Variants in TBC1D16 observed in about 807,000 individuals in gnomAD.
TBC1D16 encodes the protein CTD-2529O21.1.
TBC1D16 carries 58 observed loss-of-function variants against 74.7 expected under a neutral mutation model. The observed-to-expected ratio is 0.78, with a 90% CI of 0.63 to 0.97. TBC1D16 has a LOEUF of 0.97. Among genes scored for constraint, TBC1D16 ranks in the 50% least tolerant of loss-of-function variants. The pLI is 0.00. For missense variants in TBC1D16, 1,014 were observed against 1,079.5 expected (o/e 0.94, Z 0.85); for synonymous variants, 493 against 474.7 (o/e 1.04, Z -0.50).
chr17:79,944,955 C>G lies in TBC1D16; in HGVS notation c.1861G>C (p.Glu621Gln). 1 of 1,555,996 alleles carries G rather than the reference C, an allele frequency of 6.4e-7. No individual in the cohort carries two copies. The highest frequency in any genetic ancestry group is 1.2e-5 in the South Asian group (1 of 84,368). The change falls in exon 10 of 12, where the codon GAG (glutamate) becomes CAG (glutamine). Residue 621 changes from glutamate (E) to glutamine (Q), a missense_variant. Coordinates refer to ENST00000310924, the MANE Select transcript of TBC1D16 (RefSeq NM_019020.4). This position sits in a 1 kb window ranked among gnomAD's most constrained non-coding sequence, Gnocchi z 7.7. ...TCCCAGATCCGCAGCGCTTCGGCCT[C>G]GGGGAACTCCCGCTTGAAGCACAGA... Reference protein sequence around the residue: ...LLLCFKREFPEAEALRIWEAC... With the variant: ...LLLCFKREFPQAEALRIWEAC...
rs2035782671 is a variant in TBC1D16, at chr17:80,009,063, A to C, written c.779+1097T>G. The stretch of plus-strand genomic sequence containing the variant: ...TTCCCCTTCGATAGCAGGGGATAAT[A>C]GGAGGGCCCACCTCACGGGGCGTGG... On this transcript the variant is annotated intron_variant, in intron 3 of 11. Coordinates refer to ENST00000310924, the MANE Select transcript of TBC1D16 (RefSeq NM_019020.4). This position sits in a 1 kb window ranked among gnomAD's most constrained non-coding sequence, Gnocchi z 5.4. 1.3e-5 allele frequency among the ~76,000 whole-genome samples: 2 copies of C among 152,178 alleles called. No individual in the cohort carries two copies. The highest frequency in any genetic ancestry group is 4.8e-5 in the African/African-American group (2 of 41,438).
At chr17:80,024,068 G>C (rs1340181930) in intron 1 of TBC1D16, 1 of 120,612 alleles carries the variant, frequency 8.3e-6, no homozygotes, top group South Asian at 2.7e-4. Context: ...CTCGCCGGCC[G>C]GCTAAGCAGA....
rs1299153119 is a variant in TBC1D16, at chr17:79,961,177, G to A, written c.780-8359C>T. ...GGAGCAAACTGCTGATATGCATGAC[G>A]ATATGGAAGCATCTCAGTTGTATTA... On this transcript the variant is annotated intron_variant, in intron 3 of 11. Transcript: ENST00000310924. This position sits in a 1 kb window ranked among gnomAD's most constrained non-coding sequence, Gnocchi z 4.8. Among the ~76,000 whole-genome samples, 3 of 152,190 alleles carry A rather than the reference G, an allele frequency of 2.0e-5. No individual in the cohort carries two copies. The highest frequency in any genetic ancestry group is 4.4e-5 in the Non-Finnish European group (3 of 68,046).
chr17:80,003,754 A>G (rs914036344), intron 3 of TBC1D16, among the ~76,000 whole-genome samples: 5 of 152,108 alleles, frequency 3.3e-5, no homozygotes, highest in African/African-American at 1.2e-4. Flanking sequence ...CGCTATCCAC[A>G]TTTATATTCA....
chr17:79,957,097 G>C (rs2033372909), intron 3 of TBC1D16, among the ~76,000 whole-genome samples: 1 of 152,180 alleles, frequency 6.6e-6, no homozygotes, highest in African/African-American at 2.4e-5. Context: ...TGGAAACCTT[G>C]CCCTGCCCTG....
intron 3 of TBC1D16, among the ~76,000 whole-genome samples, chr17:80,005,818 G>A (rs898920987): frequency 2.8e-4 from 43 of 152,220 alleles, no homozygotes; most frequent in Non-Finnish European, 4.1e-4. Context: ...TGGGCAGCCC[G>A]GGGGATACTG....
chr17:80,023,003 A>G (rs1463006738), intron 1 of TBC1D16, among the ~76,000 whole-genome samples: 1 of 149,948 alleles, frequency 6.7e-6, no homozygotes, highest in Non-Finnish European at 1.5e-5. Context: ...CCGGAGGCCT[A>G]TGTGGTTTGG....
At chr17:80,024,548 CACACACACCACACACG>C (rs2036454335) in intron 1 of TBC1D16, among the ~76,000 whole-genome samples, 48 of 145,708 alleles carry the variant, frequency 3.3e-4, no homozygotes, top group Non-Finnish European at 2.5e-4. Context: ...ACACCATATA[CACACACACCACACACG>C]ACACACCATA....
At chr17:79,970,289 G>A (rs2034026680) in intron 3 of TBC1D16, among the ~76,000 whole-genome samples, 1 of 152,186 alleles carries the variant, frequency 6.6e-6, no homozygotes, top group Non-Finnish European at 1.5e-5. Context: ...AGGAAGGGCT[G>A]GGCTGTGACT....
rs1401325275 is a variant in TBC1D16 at position 79,940,004 on chromosome 17, C to G, written c.*855G>C. The G allele has an allele frequency of 6.6e-6, 1 of 152,168 alleles. No individual in the cohort carries two copies. Among genetic ancestry groups the G allele is most frequent in the Non-Finnish European group, 1.5e-5 (1 of 68,024 alleles). 9.4% of individuals were successfully genotyped at this position (152,168 alleles called of 1,614,324 possible). ...ATGCATGCATGCACGCAGGGACACA[C>G]GCACACATCGACCCATTCAAGCCCC... On this transcript the variant is annotated 3_prime_UTR_variant, in exon 12 of 12. Coordinates refer to ENST00000310924, the MANE Select transcript of TBC1D16 (RefSeq NM_019020.4). The surrounding 1 kb of genome is among the most constrained non-coding windows in gnomAD (Gnocchi z 5.4).
chr17:80,004,555 G>A (rs1157172933), intron 3 of TBC1D16, among the ~76,000 whole-genome samples: 1 of 152,206 alleles, frequency 6.6e-6, no homozygotes, highest in African/African-American at 2.4e-5. Flanking sequence ...CCAACAGAGG[G>A]ACCTTAGAGG....
In TBC1D16 at chr17:79,986,901, C is replaced by A. The variant is rs2034861093; in HGVS notation, c.779+23259G>T. On this transcript the variant is annotated intron_variant, in intron 3 of 11. Transcript: ENST00000310924. The surrounding 1 kb of genome is among the most constrained non-coding windows in gnomAD (Gnocchi z 6.0). Reference sequence around the variant, plus strand: ...GAGGAGCTGGACTGCGGTCAGCCGTCCCCTCGCGCCCTCCGGTCTCTGCTG... The same window carrying A: ...GAGGAGCTGGACTGCGGTCAGCCGTACCCTCGCGCCCTCCGGTCTCTGCTG... Among the ~76,000 whole-genome samples the A allele has an allele frequency of 6.6e-6, 1 of 152,246 alleles. No homozygotes were observed. The highest frequency in any genetic ancestry group is 6.5e-5 in the Admixed American group (1 of 15,288).
chr17:80,028,299 G>C (rs1462178354), intron 1 of TBC1D16, among the ~76,000 whole-genome samples: 2 of 152,120 alleles, frequency 1.3e-5, no homozygotes, highest in Non-Finnish European at 2.9e-5. Context: ...GGAAGGCCGA[G>C]GCAGTTGCAT....
chr17:80,027,180 G>C (rs1056804007), intron 1 of TBC1D16, among the ~76,000 whole-genome samples: 1 of 152,252 alleles, frequency 6.6e-6, no homozygotes, highest in African/African-American at 2.4e-5. Context: ...AAGCTGAGGA[G>C]GCTGGGCACG....
In TBC1D16 at chr17:80,035,436, C is replaced by A. The variant is rs1386159266; in HGVS notation, c.-63+359G>T. Among the ~76,000 whole-genome samples the A allele has an allele frequency of 6.6e-6, 1 of 152,024 alleles. No individual in the cohort carries two copies. The highest frequency in any genetic ancestry group is 6.5e-5 in the Admixed American group (1 of 15,282). On this transcript the variant is annotated intron_variant, in intron 1 of 11. Coordinates refer to ENST00000310924, the MANE Select transcript of TBC1D16 (RefSeq NM_019020.4). This position sits in a 1 kb window ranked among gnomAD's most constrained non-coding sequence, Gnocchi z 5.3. ...CCCACAAGTTCTCATCCGTCTGCTCCGCCGATTCAGCCAGACAAAGACCGC... is the reference window on the plus strand; with the variant it reads ...CCCACAAGTTCTCATCCGTCTGCTCAGCCGATTCAGCCAGACAAAGACCGC...
Position 79,990,320 on chromosome 17 carries a change from G to A in TBC1D16, c.779+19840C>T, listed in dbSNP as rs556663072. Among the ~76,000 whole-genome samples, 2 of 152,324 alleles carry A rather than the reference G, an allele frequency of 1.3e-5. No individual in the cohort carries two copies. Among genetic ancestry groups the A allele is most frequent in the African/African-American group, 2.4e-5 (1 of 41,574 alleles). ...CCAGGTGGTGGGAGCCCACGCCCCCGGCCAGCACTCTGGCCACAGCGCAGC... is the reference window on the plus strand; with the variant it reads ...CCAGGTGGTGGGAGCCCACGCCCCCAGCCAGCACTCTGGCCACAGCGCAGC... On this transcript the variant is annotated intron_variant, in intron 3 of 11. Coordinates refer to ENST00000310924, the MANE Select transcript of TBC1D16 (RefSeq NM_019020.4). The surrounding 1 kb of genome is among the most constrained non-coding windows in gnomAD (Gnocchi z 4.8).
At chr17:79,945,931 G>T (rs1057104102) in intron 9 of TBC1D16, among the ~76,000 whole-genome samples, 1 of 152,244 alleles carries the variant, frequency 6.6e-6, no homozygotes, top group African/African-American at 2.4e-5. Flanking sequence ...TTGTTCCCAC[G>T]GGAGACTGCG....
At position 79,935,403 on chromosome 17, in the gene TBC1D16, T is replaced by A. The variant is rs1053116191; in HGVS notation, c.*5456A>T. The A allele has an allele frequency of 5.9e-5, 9 of 152,336 alleles. No homozygotes were observed. Among genetic ancestry groups the A allele is most frequent in the African/African-American group, 2.2e-4 (9 of 41,476 alleles). The allele number at this position is 152,336 out of a possible 1,614,324, so 9.4% of individuals were successfully genotyped here. A position where few individuals can be genotyped will look rare whatever the true frequency, so the allele number is the denominator to read the frequency against. On this transcript the variant is annotated 3_prime_UTR_variant, in exon 12 of 12. Coordinates refer to ENST00000310924, the MANE Select transcript of TBC1D16 (RefSeq NM_019020.4). ...AAGGCCTCCCAAAGTGGGCGCTTGC[T>A]GAGCCCCTGGCCAGCCTCCCAGGAC...
intron 1 of TBC1D16, among the ~76,000 whole-genome samples, chr17:80,017,597 C>T (rs778507574): frequency 4.1e-5 from 6 of 146,550 alleles, no homozygotes; most frequent in African/African-American, 7.6e-5. Context: ...GGGAGAATCG[C>T]TTGAACCCAG....
Sources: gnomAD v4.1 joint callset for allele counts (sites outside exome capture counted in the v4.1 genomes callset) on GRCh38, gnomAD v4.1.1 for gene constraint, Gnocchi (gnomAD v3.1) non-coding constraint, MANE v1.5 for transcripts, NCBI Gene and HGNC (gene_info 2026-07-23, HGNC 2026-07-21) for gene names.